The following NEBL variants were observed in gnomAD, a reference collection of about 807,000 sequenced individuals.
The protein encoded by NEBL is nebulette.
In NEBL, 122 loss-of-function variants were observed where a neutral mutation model predicts 140.2. That is an observed-to-expected ratio of 0.87 (90% CI 0.75 to 1.01). The LOEUF is 1.01. Among genes scored for constraint, NEBL ranks in the 50% least tolerant of loss-of-function variants. The pLI, the probability that NEBL is intolerant of heterozygous loss-of-function variation, is 0.00. For synonymous variants in NEBL, 436 were observed against 398.9 expected, an observed-to-expected ratio of 1.09 and a Z score of -1.11; for missense variants, 1,365 against 1,231.3, an observed-to-expected ratio of 1.11 and a Z score of -1.62.
chr10:21,054,339 G>A (rs1589181233), intron 2 of NEBL, among the ~76,000 whole-genome samples: 2 of 152,080 alleles, frequency 1.3e-5, no homozygotes, highest in Admixed American at 6.5e-5. Flanking sequence ...TCTGTTTAAT[G>A]GTTATTTTTC....
intron 2 of NEBL, among the ~76,000 whole-genome samples, chr10:21,159,861 C>T (rs1450951417): frequency 1.3e-5 from 2 of 152,200 alleles, no homozygotes; most frequent in African/African-American, 2.4e-5. Context: ...CTGGATCTTA[C>T]GTATCTCATA....
At chr10:20,976,592 A>T (rs1383242916) in intron 3 of NEBL, among the ~76,000 whole-genome samples, 2 of 152,192 alleles carry the variant, frequency 1.3e-5, no homozygotes, top group Non-Finnish European at 2.9e-5. Flanking sequence ...TGCAGCCATA[A>T]AAAATAATAA....
chr10:20,829,493 G>C (rs868827961), intron 16 of NEBL, among the ~76,000 whole-genome samples: 1 of 151,582 alleles, frequency 6.6e-6, no homozygotes. Context: ...GCTAGATGAC[G>C]AGTTAGTGGG....
chr10:20,836,567 G>A (rs1323254218), intron 13 of NEBL, among the ~76,000 whole-genome samples: 1 of 152,058 alleles, frequency 6.6e-6, no homozygotes, highest in South Asian at 2.1e-4. Flanking sequence ...CAGATAGGAG[G>A]GGGTCACTGG....
intron 3 of NEBL, among the ~76,000 whole-genome samples, chr10:20,977,473 T>C (rs1238278783): frequency 6.6e-6 from 1 of 152,144 alleles, no homozygotes; most frequent in Non-Finnish European, 1.5e-5. Context: ...CCACTGAAAC[T>C]GATAACGGCT....
chr10:21,260,465 T>C (rs1842723945), intron 1 of NEBL, among the ~76,000 whole-genome samples: 1 of 152,258 alleles, frequency 6.6e-6, no homozygotes, highest in African/African-American at 2.4e-5. Flanking sequence ...GATAATTTCC[T>C]CTTTTTCTTT....
intron 2 of NEBL, among the ~76,000 whole-genome samples, chr10:21,152,010 C>T (rs954823819): frequency 1.2e-4 from 19 of 152,294 alleles, no homozygotes; most frequent in African/African-American, 4.6e-4. Context: ...TAGAACAGCG[C>T]CTGGTTCATA....
chr10:20,809,546 A>G (rs1837924925), intron 25 of NEBL, among the ~76,000 whole-genome samples: 1 of 152,182 alleles, frequency 6.6e-6, no homozygotes, highest in Admixed American at 6.5e-5. Context: ...GTATTTGTAA[A>G]CCCAGAAATA....
chr10:21,031,235 A>G (rs1589154039), intron 2 of NEBL, among the ~76,000 whole-genome samples: 1 of 152,050 alleles, frequency 6.6e-6, no homozygotes, highest in Non-Finnish European at 1.5e-5. Flanking sequence ...ATGATGATGA[A>G]CCCTATGGGG....
chr10:20,925,772 C>G (rs975766140), intron 4 of NEBL, among the ~76,000 whole-genome samples: 1 of 151,256 alleles, frequency 6.6e-6, no homozygotes, highest in African/African-American at 2.4e-5. Flanking sequence ...TAGAGGTCAG[C>G]CATATTGGCT....
intron 3 of NEBL, among the ~76,000 whole-genome samples, chr10:21,195,336 C>A (rs768509586): frequency 1.2e-4 from 19 of 152,230 alleles, no homozygotes; most frequent in Non-Finnish European, 2.6e-4. Flanking sequence ...TGAGTGACAG[C>A]CATAAAATTA....
Position 21,125,859 on chromosome 10 carries a change from G to A in NEBL, c.164+46524C>T, listed in dbSNP as rs113451828. On this transcript the variant is annotated intron_variant, in intron 2 of 6. Transcript: ENST00000417816. ...TCATTTTCAGCACCTTCTTAGATAC[G>A]TTGAACTTTTCTTTTATGCCCTGGA... 5.5e-5 allele frequency: 89 copies of A among 1,613,578 alleles called. 1 individual carries two copies. The African/African-American group carries it at 7.6e-4, about 14-fold the overall frequency.
chr10:21,211,331 A>G (rs1841912038), intron 3 of NEBL, among the ~76,000 whole-genome samples: 1 of 152,026 alleles, frequency 6.6e-6, no homozygotes, highest in African/African-American at 2.4e-5. Flanking sequence ...AATAAGAAAA[A>G]TTAGCTGGGT....
At chr10:21,104,107 C>T (rs755039642) in intron 2 of NEBL, among the ~76,000 whole-genome samples, 56 of 152,228 alleles carry the variant, frequency 3.7e-4, no homozygotes, top group Admixed American at 1.3e-3. Flanking sequence ...CACTGCTCTA[C>T]ATCGCCCTGT....
intron 1 of NEBL, among the ~76,000 whole-genome samples, chr10:21,275,150 GC>G (rs1232850109): frequency 2.0e-5 from 3 of 152,196 alleles, no homozygotes; most frequent in Non-Finnish European, 2.9e-5. Flanking sequence ...CTGCTCAACA[GC>G]TTTATCGCGG....
At chr10:20,985,858 T>C (rs1837237210) in intron 3 of NEBL, among the ~76,000 whole-genome samples, 1 of 152,194 alleles carries the variant, frequency 6.6e-6, no homozygotes, top group Non-Finnish European at 1.5e-5. Context: ...ATAAAAATGT[T>C]GATGCATTAG....
chr10:20,838,771 T>G (rs1156832212), intron 13 of NEBL, among the ~76,000 whole-genome samples: 1 of 152,120 alleles, frequency 6.6e-6, no homozygotes, highest in Non-Finnish European at 1.5e-5. Context: ...TCGGCAGCCA[T>G]CAATATAGAG....
intron 1 of NEBL, among the ~76,000 whole-genome samples, chr10:21,262,248 G>A (rs765979732): frequency 2.6e-5 from 4 of 152,172 alleles, no homozygotes; most frequent in Admixed American, 1.3e-4. Flanking sequence ...GGAAAATGTC[G>A]GAGGAGGATC....
intron 2 of NEBL, among the ~76,000 whole-genome samples, chr10:21,142,674 C>G (rs890353344): frequency 6.6e-6 from 1 of 152,190 alleles, no homozygotes; most frequent in Non-Finnish European, 1.5e-5. Context: ...GGGCCCCCAA[C>G]CCCCAGGGCG....
Sources: allele counts gnomAD v4.1 joint callset (sites outside exome capture counted in the v4.1 genomes callset), GRCh38; gene constraint gnomAD v4.1.1; transcripts MANE v1.5; gene names NCBI Gene and HGNC (gene_info 2026-07-23, HGNC 2026-07-21).